CEP128: variants seen among roughly 807,000 people sequenced by gnomAD.
CEP128 encodes the protein centrosomal protein 128kDa.
A neutral mutation model predicts 156.7 loss-of-function variants in CEP128; 132 were observed. The ratio of observed to expected loss-of-function variants is 0.84; its 90% CI spans 0.73 to 0.97. CEP128 has a LOEUF of 0.97. Ranked by LOEUF, CEP128 falls within the 50% of genes least tolerant of loss-of-function variation. The probability of loss-of-function intolerance (pLI) is 0.00; values close to 1 mark genes in which losing one functional copy is unlikely to be tolerated. For synonymous variants in CEP128, 469 were observed against 448.9 expected (o/e 1.04, Z -0.57); for missense variants, 1,252 against 1,281.9 (o/e 0.98, Z 0.36).
At chr14:80,718,836 C>T (rs1465445290) in intron 19 of CEP128, among the ~76,000 whole-genome samples, 1 of 152,200 alleles carries the variant, frequency 6.6e-6, no homozygotes, top group Non-Finnish European at 1.5e-5. Context: ...ATGGGCTTAA[C>T]ACCAGCGAAC....
rs143099351 is a variant in CEP128, at chr14:80,630,403, T to G, written c.2807-49980A>C. Among the ~76,000 whole-genome samples, 1,093 of 152,116 alleles carry G rather than the reference T, an allele frequency of 7.2e-3. 7 individuals carry two copies. The highest frequency in any genetic ancestry group is 9.9e-3 in the Non-Finnish European group (669 of 67,866). ...GTGGCATAATATTTCATATTTAAAA[T>G]TTTATAGGCATTAGAGTTTACACTT... On this transcript the variant is annotated intron_variant, in intron 19 of 24. Coordinates refer to ENST00000555265, the MANE Select transcript of CEP128 (RefSeq NM_152446.5).
At chr14:80,785,910 A>G (rs1901384081) in intron 14 of CEP128, among the ~76,000 whole-genome samples, 1 of 152,180 alleles carries the variant, frequency 6.6e-6, no homozygotes, top group Non-Finnish European at 1.5e-5. Context: ...ATAATACACT[A>G]TTACCTAAAA....
chr14:80,517,657 T>G (rs1888550604), intron 23 of CEP128, among the ~76,000 whole-genome samples: 1 of 152,190 alleles, frequency 6.6e-6, no homozygotes, highest in Non-Finnish European at 1.5e-5. Flanking sequence ...TCCTTGTTCT[T>G]AGAGCTCCCA....
chr14:80,700,530 C>T (rs553760967), intron 19 of CEP128, among the ~76,000 whole-genome samples: 1 of 150,756 alleles, frequency 6.6e-6, no homozygotes, highest in African/African-American at 2.5e-5. Flanking sequence ...TTGACCCCCC[C>T]CAAAAAAGCC....
intron 15 of CEP128, among the ~76,000 whole-genome samples, chr14:80,781,472 A>AT (rs1430630203): frequency 4.6e-5 from 7 of 151,952 alleles, no homozygotes; most frequent in African/African-American, 1.7e-4. Flanking sequence ...AAAAAAAAAA[A>AT]AAAGTAATGA....
At chr14:80,692,587 G>A (rs192294708) in intron 19 of CEP128, among the ~76,000 whole-genome samples, 1 of 152,280 alleles carries the variant, frequency 6.6e-6, no homozygotes, top group East Asian at 1.9e-4. Context: ...TATCTCCTTA[G>A]TCAGTGGCAT....
At chr14:80,881,454 T>G (rs1888547869) in intron 8 of CEP128, among the ~76,000 whole-genome samples, 2 of 152,150 alleles carry the variant, frequency 1.3e-5, no homozygotes, top group Non-Finnish European at 2.9e-5. Context: ...AAGAAAACCC[T>G]GAAACCCAAT....
At chr14:80,482,748 G>C (rs1466810577) in intron 14 of CEP128, among the ~76,000 whole-genome samples, 2 of 152,074 alleles carry the variant, frequency 1.3e-5, no homozygotes, top group African/African-American at 2.4e-5. Context: ...TAGTAGAAAG[G>C]GTTGTGAATT....
intron 2 of CEP128, chr14:80,955,530 T>C: frequency 1.1e-6 from 1 of 925,522 alleles, no homozygotes; most frequent in Non-Finnish European, 1.7e-6. Context: ...TCCAGCCTCC[T>C]CCACAGTGGT....
chr14:80,685,078 G>A (rs1015505850), intron 19 of CEP128, among the ~76,000 whole-genome samples: 9 of 152,034 alleles, frequency 5.9e-5, no homozygotes, highest in African/African-American at 2.2e-4. Context: ...ATTCAACATA[G>A]TAATAGAAGT....
rs11845515 is a variant in CEP128, at chr14:80,532,069, A to C, written c.2881-1183T>G. ...AGATTTCAGAGTTAGTTATCAATGC[A>C]TCATATAGCATTAATTATCATATAT... On this transcript the variant is annotated intron_variant, in intron 21 of 24. Transcript: ENST00000555265. 3.3e-5 allele frequency among the ~76,000 whole-genome samples: 5 copies of C among 152,336 alleles called. No homozygotes were observed. The East Asian group carries it at 7.7e-4, about 23-fold the overall frequency.
intron 2 of CEP128, among the ~76,000 whole-genome samples, chr14:80,933,043 A>G (rs1432054844): frequency 6.6e-6 from 1 of 152,100 alleles, no homozygotes; most frequent in East Asian, 1.9e-4. Flanking sequence ...TTTCAGCAGT[A>G]CCCACATTGG....
At chr14:80,894,802 T>C in intron 8 of CEP128, 1 of 296,610 alleles carries the variant, frequency 3.4e-6, no homozygotes, top group South Asian at 3.0e-5. Flanking sequence ...AAGATCAACT[T>C]AGTTGATCTT....
At chr14:80,637,394 G>C (rs533959761) in intron 19 of CEP128, among the ~76,000 whole-genome samples, 2 of 152,276 alleles carry the variant, frequency 1.3e-5, no homozygotes, top group South Asian at 4.1e-4. Flanking sequence ...CAGAGAAGGA[G>C]ATGCAAGGAC....
In CEP128 at chr14:80,825,201, G is replaced by A. The variant is rs551869593; in HGVS notation, c.1209+5942C>T. On this transcript the variant is annotated intron_variant, in intron 13 of 24. Transcript: ENST00000555265. ...CGGTGGGGATTCAAGATGAGATTTC[G>A]GTGGGGACACAGCCAAACCATATCA... 4.3e-4 allele frequency among the ~76,000 whole-genome samples: 65 copies of A among 152,262 alleles called. 1 individual carries two copies. Among genetic ancestry groups the A allele is most frequent in the South Asian group, 4.1e-4 (2 of 4,824 alleles).
chr14:80,504,140 T>A (rs1351490801), intron 24 of CEP128, among the ~76,000 whole-genome samples: 2 of 152,184 alleles, frequency 1.3e-5, no homozygotes, highest in African/African-American at 4.8e-5. Context: ...ATAGTTTAGA[T>A]AAATGTGGAC....
intron 23 of CEP128, among the ~76,000 whole-genome samples, chr14:80,520,742 TAAG>T (rs1888703758): frequency 6.6e-6 from 1 of 152,134 alleles, no homozygotes; most frequent in Non-Finnish European, 1.5e-5. Context: ...GCCATTGACA[TAAG>T]AAATAAAGGC....
downstream of CEP128, among the ~76,000 whole-genome samples, chr14:80,492,040 T>G (rs1887341922): frequency 6.6e-6 from 1 of 151,998 alleles, no homozygotes; most frequent in Admixed American, 6.6e-5. Context: ...TAACACTGAA[T>G]AAGAGTTATG....
chr14:80,722,425 ATC>A (rs2139467175), intron 19 of CEP128, among the ~76,000 whole-genome samples: 1 of 152,284 alleles, frequency 6.6e-6, no homozygotes, highest in Admixed American at 6.5e-5. Context: ...ACACAAAATC[ATC>A]TCTGTTCTTT....
Sources: allele counts gnomAD v4.1 joint callset (sites outside exome capture counted in the v4.1 genomes callset), GRCh38; gene constraint gnomAD v4.1.1; transcripts MANE v1.5; gene names NCBI Gene and HGNC (gene_info 2026-07-23, HGNC 2026-07-21).